Variants in TFB1M observed in about 807,000 individuals in gnomAD.
TFB1M encodes the protein transcription factor B1, mitochondrial.
Under a neutral mutation model 31.1 loss-of-function variants are expected in TFB1M, and 27 were observed. That is an observed-to-expected ratio of 0.87 (90% CI 0.64 to 1.20). The LOEUF is 1.20. TFB1M is among the 50% of genes most tolerant of loss of function. The probability of loss-of-function intolerance (pLI) is 0.00; values close to 1 mark genes in which losing one functional copy is unlikely to be tolerated. For missense variants in TFB1M, 394 were observed against 418.7 expected, an observed-to-expected ratio of 0.94 and a Z score of 0.51; for synonymous variants, 166 against 151.8, an observed-to-expected ratio of 1.09 and a Z score of -0.69.
Position 155,297,045 on chromosome 6 carries a change from T to A in TFB1M, c.454A>T (p.Ile152Phe). 2 of 1,613,788 alleles carry A rather than the reference T, an allele frequency of 1.2e-6. No individual in the cohort carries two copies. The highest frequency in any genetic ancestry group is 1.3e-5 in the African/African-American group (1 of 75,050). The change falls in exon 4 of 7, where the codon ATC becomes TTC. Residue 152 changes from isoleucine to phenylalanine, a missense_variant. By Grantham distance (21) the Ile-to-Phe change is conservative. Coordinates refer to ENST00000367166, the MANE Select transcript of TFB1M (RefSeq NM_016020.4). ...LPFSVSTPLI[I>F]KWLENISCRD... ...CAGGAAATATTTTCAAGCCACTTGA[T>A]AATCAGTGGAGTTGAAACACTAAAA...
At chr6:155,306,050 C>G (rs1582882191) in intron 2 of TFB1M, among the ~76,000 whole-genome samples, 1 of 151,720 alleles carries the variant, frequency 6.6e-6, no homozygotes, top group East Asian at 1.9e-4. Flanking sequence ...AATATTTGAA[C>G]AAATAATTCC....
At position 155,257,809 on chromosome 6, in the gene TFB1M, G is replaced by T. The variant is rs374989555; in HGVS notation, c.*27C>A. 1 of 1,613,562 alleles carries T rather than the reference G, an allele frequency of 6.2e-7. No individual in the cohort carries two copies. The highest frequency in any genetic ancestry group is 2.2e-5 in the East Asian group (1 of 44,900). ...CTCCACGTAGTGCAAATCGACATCT[G>T]GTAGGCTGCTCGCCCCCAGGCAGCA... On this transcript the variant is annotated 3_prime_UTR_variant, in exon 7 of 7. Transcript: ENST00000367166.
chr6:155,297,546 G>C (rs1477309273), intron 3 of TFB1M, among the ~76,000 whole-genome samples: 1 of 152,170 alleles, frequency 6.6e-6, no homozygotes, highest in Non-Finnish European at 1.5e-5. Flanking sequence ...TAGGAATGGA[G>C]TAATCTGGCA....
chr6:155,269,324 CT>C (rs60162262), intron 5 of TFB1M, among the ~76,000 whole-genome samples: 147 of 127,220 alleles, frequency 1.2e-3, no homozygotes, highest in African/African-American at 3.0e-3. Flanking sequence ...CTTTTCTTTT[CT>C]TTTTTTTTTT....
At position 155,256,874 on chromosome 6, in the gene TFB1M, AAGG is replaced by A. The variant is rs1173106750; in HGVS notation, c.*959_*961del. 1.1e-5 allele frequency: 17 copies of A among 1,614,108 alleles called. No homozygotes were observed. In the Admixed American group the frequency reaches 2.2e-4, roughly 21 times the overall value. ...GGCCCGGAGTCGGGTGAGGGTCAGA[AAGG>A]AGGAGAGCAGCCCAAACTGGTCCGG... On this transcript the variant is annotated 3_prime_UTR_variant, in exon 7 of 7. Coordinates refer to ENST00000367166, the MANE Select transcript of TFB1M (RefSeq NM_016020.4).
chr6:155,243,434 CACTT>C, the TFB1M span, among the ~76,000 whole-genome samples: 3 of 152,146 alleles, frequency 2.0e-5, no homozygotes, highest in Non-Finnish European at 4.4e-5. Flanking sequence ...GTCACCAAGA[CACTT>C]ACCTAAGCAG....
At chr6:155,240,698 TCCTAC>T in the TFB1M span, 12 of 1,611,776 alleles carry the variant, frequency 7.4e-6, no homozygotes, top group African/African-American at 1.3e-5. Flanking sequence ...CACAGAGAAG[TCCTAC>T]GTGAAGGTAA....
At chr6:155,243,128 C>T in the TFB1M span, among the ~76,000 whole-genome samples, 2 of 152,172 alleles carry the variant, frequency 1.3e-5, no homozygotes, top group Non-Finnish European at 2.9e-5. Flanking sequence ...GCTGGAACCT[C>T]GTTTGCAAGA....
At chr6:155,240,379 G>A in the TFB1M span, 1 of 674,564 alleles carries the variant, frequency 1.5e-6, no homozygotes, top group Non-Finnish European at 2.3e-6. Context: ...ATAGCCAGAG[G>A]GGTTTGAGGT....
chr6:155,282,406 C>T (rs1387258175), intron 5 of TFB1M, among the ~76,000 whole-genome samples: 1 of 152,170 alleles, frequency 6.6e-6, no homozygotes, highest in East Asian at 1.9e-4. Flanking sequence ...AGCAGACTCT[C>T]ACAGGAAAAA....
rs185942558 is a variant in TFB1M at position 155,256,810 on chromosome 6, G to A, written c.*1026C>T. 4.3e-6 allele frequency: 7 copies of A among 1,614,048 alleles called. No homozygotes were observed. Among genetic ancestry groups the A allele is most frequent in the South Asian group, 1.1e-5 (1 of 91,078 alleles). ...TCAGTTCCAGAGACTGAGGATTTCC[G>A]AGGACCCAGACGTTCACCCCGAGGC... On this transcript the variant is annotated 3_prime_UTR_variant, in exon 7 of 7. Coordinates refer to ENST00000367166, the MANE Select transcript of TFB1M (RefSeq NM_016020.4).
intron 5 of TFB1M, among the ~76,000 whole-genome samples, chr6:155,267,352 G>C (rs1334326693): frequency 1.3e-5 from 2 of 152,196 alleles, no homozygotes; most frequent in African/African-American, 4.8e-5. Context: ...CTAAAATATA[G>C]AGACAAATCT....
intron 4 of TFB1M, among the ~76,000 whole-genome samples, chr6:155,287,165 A>C (rs1414584957): frequency 6.6e-6 from 1 of 152,140 alleles, no homozygotes; most frequent in African/African-American, 2.4e-5. Flanking sequence ...CTGCAGCTAT[A>C]GGAACTTTCA....
intron 2 of TFB1M, among the ~76,000 whole-genome samples, chr6:155,309,318 C>T (rs188277288): frequency 1.3e-5 from 2 of 152,320 alleles, no homozygotes; most frequent in Non-Finnish European, 2.9e-5. Context: ...GATAGAGGTA[C>T]AGCAGGGAAC....
Position 155,256,141 on chromosome 6 carries a change from AAGG to A in TFB1M, c.*1692_*1694del. 2.2e-6 allele frequency: 1 copy of A among 446,900 alleles called. No homozygotes were observed. Among genetic ancestry groups the A allele is most frequent in the Non-Finnish European group, 3.9e-6 (1 of 254,268 alleles). The allele number at this position is 446,900 out of a possible 1,614,324, so 27.7% of individuals were successfully genotyped here. A position where few individuals can be genotyped will look rare whatever the true frequency, so the allele number is the denominator to read the frequency against. The stretch of plus-strand genomic sequence containing the variant: ...AATTACAAAGCACCTTAGTGAAAGA[AAGG>A]AGCCTAGATTTATTATTACCAATTA... On this transcript the variant is annotated 3_prime_UTR_variant, in exon 7 of 7. Coordinates refer to ENST00000367166, the MANE Select transcript of TFB1M (RefSeq NM_016020.4).
intron 4 of TFB1M, among the ~76,000 whole-genome samples, chr6:155,285,602 A>C (rs1776592233): frequency 6.6e-6 from 1 of 152,226 alleles, no homozygotes; most frequent in African/African-American, 2.4e-5. Context: ...GCAATCAATA[A>C]ATACTTGATG....
At chr6:155,235,837 G>A in the TFB1M span, among the ~76,000 whole-genome samples, 2 of 152,142 alleles carry the variant, frequency 1.3e-5, no homozygotes, top group Non-Finnish European at 2.9e-5. Flanking sequence ...TTCTAAAATG[G>A]CAAGATACTT....
the TFB1M span, among the ~76,000 whole-genome samples, chr6:155,241,141 G>C: frequency 4.3e-4 from 66 of 152,312 alleles, no homozygotes; most frequent in Non-Finnish European, 7.6e-4. Context: ...GGTTGTCATC[G>C]TGTAGAACTG....
the TFB1M span, chr6:155,250,997 A>G: frequency 6.2e-7 from 1 of 1,614,180 alleles, no homozygotes; most frequent in Non-Finnish European, 8.5e-7. Flanking sequence ...AAAAGCTAGA[A>G]AGGACCTTGA....
Sources: allele counts gnomAD v4.1 joint callset (sites outside exome capture counted in the v4.1 genomes callset), GRCh38; gene constraint gnomAD v4.1.1; transcripts MANE v1.5; gene names NCBI Gene and HGNC (gene_info 2026-07-23, HGNC 2026-07-21).